The following NUS1 variants were observed in gnomAD, a reference collection of about 807,000 sequenced individuals.
NUS1 encodes dehydrodolichyl diphosphate synthase complex subunit NUS1.
For synonymous variants in NUS1, 135 were observed against 155.2 expected, an observed-to-expected ratio of 0.87 and a Z score of 0.97; for missense variants, 292 against 382.9, an observed-to-expected ratio of 0.76 and a Z score of 1.98.
intron 1 of NUS1, among the ~76,000 whole-genome samples, chr6:117,681,531 G>A (rs1389509705): frequency 6.6e-6 from 1 of 152,112 alleles, no homozygotes; most frequent in African/African-American, 2.4e-5. Flanking sequence ...TACTTAGTTG[G>A]CACAGTGACA....
intron 3 of NUS1, among the ~76,000 whole-genome samples, chr6:117,696,282 C>G (rs933901613): frequency 6.6e-6 from 1 of 152,026 alleles, no homozygotes; most frequent in Non-Finnish European, 1.5e-5. Flanking sequence ...GAAAAAGCCT[C>G]TTGAGGGCAA....
chr6:117,708,489 TA>T lies in NUS1; in HGVS notation c.*1477del, dbSNP rs1390835764. 6.6e-6 allele frequency: 1 copy of T among 152,348 alleles called. No homozygotes were observed. Among genetic ancestry groups the T allele is most frequent in the African/African-American group, 2.4e-5 (1 of 41,394 alleles). 9.4% of individuals were successfully genotyped at this position (152,348 alleles called of 1,614,324 possible). ...GAAAGCATGGTCTACAATTGGTTGT[TA>T]AATTCTGAAGCTATGAAGAATAAAT... On this transcript the variant is annotated 3_prime_UTR_variant, in exon 5 of 5. Coordinates refer to ENST00000368494, the MANE Select transcript of NUS1 (RefSeq NM_138459.5).
chr6:117,675,791 T>G lies in NUS1; in HGVS notation c.121T>G (p.Cys41Gly). Residue 41 changes from cysteine (C) to glycine (G), a missense_variant, in exon 1 of 5, where the codon TGC (cysteine) becomes GGC (glycine). Transcript: ENST00000368494. ...GTWNWIWRRC[C>G]RAASAAVLAP... Reference sequence around the variant, plus strand: ...CTGGAACTGGATCTGGCGGCGCTGCTGCCGCGCCGCCTCTGCCGCGGTCCT... The same window carrying G: ...CTGGAACTGGATCTGGCGGCGCTGCGGCCGCGCCGCCTCTGCCGCGGTCCT... 3 of 1,561,656 alleles carry G rather than the reference T, an allele frequency of 1.9e-6. No individual in the cohort carries two copies. Among genetic ancestry groups the G allele is most frequent in the Non-Finnish European group, 2.6e-6 (3 of 1,156,322 alleles).
chr6:117,688,924 G>A (rs1308407331), intron 1 of NUS1, among the ~76,000 whole-genome samples: 1 of 151,858 alleles, frequency 6.6e-6, no homozygotes, highest in African/African-American at 2.4e-5. Context: ...ACTTATTTTT[G>A]TCTGGGCTTT....
intron 1 of NUS1, among the ~76,000 whole-genome samples, chr6:117,691,457 C>G (rs900580267): frequency 6.6e-6 from 1 of 150,800 alleles, no homozygotes; most frequent in Non-Finnish European, 1.5e-5. Context: ...TTTTATAAAG[C>G]CTTCCTCACC....
At chr6:117,702,396 T>G (rs1457972128) in intron 3 of NUS1, among the ~76,000 whole-genome samples, 1 of 152,218 alleles carries the variant, frequency 6.6e-6, no homozygotes, top group African/African-American at 2.4e-5. Flanking sequence ...TCCAGTTGAT[T>G]GGGGTGGGCA....
intron 1 of NUS1, among the ~76,000 whole-genome samples, chr6:117,682,965 A>T (rs1334240003): frequency 6.6e-6 from 1 of 152,178 alleles, no homozygotes; most frequent in East Asian, 1.9e-4. Context: ...ACTAATAGAG[A>T]TTTCTTCATC....
At chr6:117,696,120 C>T (rs1773316204) in intron 3 of NUS1, among the ~76,000 whole-genome samples, 1 of 151,784 alleles carries the variant, frequency 6.6e-6, no homozygotes, top group South Asian at 2.1e-4. Flanking sequence ...AGCAGAAATT[C>T]TGGAGTTGAA....
intron 1 of NUS1, among the ~76,000 whole-genome samples, chr6:117,692,272 G>C (rs1158648069): frequency 1.3e-5 from 2 of 152,056 alleles, no homozygotes; most frequent in African/African-American, 4.8e-5. Context: ...TGAGAGTGCA[G>C]AGTAGGAACA....
chr6:117,701,551 A>G lies in NUS1; in HGVS notation c.692-2054A>G, dbSNP rs553360655. ...GAGCCACCACGCCCGGCCGGGTTCT[A>G]ATTTTCTTAAATAATATTTTGCAGT... is the stretch of plus-strand genomic sequence containing the variant. On this transcript the variant is annotated intron_variant, in intron 3 of 4. Transcript: ENST00000368494. Among the ~76,000 whole-genome samples, 10 of 152,108 alleles carry G rather than the reference A, an allele frequency of 6.6e-5. No homozygotes were observed. In the South Asian group the frequency reaches 2.1e-3, roughly 32 times the overall value.
At chr6:117,693,446 A>G (rs975585514) in intron 2 of NUS1, among the ~76,000 whole-genome samples, 2 of 152,194 alleles carry the variant, frequency 1.3e-5, no homozygotes, top group Non-Finnish European at 2.9e-5. Context: ...ATATATAAAT[A>G]GAGGTACAAC....
At chr6:117,687,202 G>T (rs1022185716) in intron 1 of NUS1, among the ~76,000 whole-genome samples, 6 of 152,154 alleles carry the variant, frequency 3.9e-5, no homozygotes, top group Admixed American at 2.0e-4. Context: ...CAATAAGGAA[G>T]TGTCTGCTTT....
chr6:117,703,514 A>T, intron 3 of NUS1, 91 bp from the exon 4 acceptor site: 1 of 932,120 alleles, frequency 1.1e-6, no homozygotes, highest in East Asian at 2.4e-5. Context: ...AATTTGATTA[A>T]TACATTTTGC....
Position 117,708,898 on chromosome 6 carries a change from A to AAGTT in NUS1, c.*1887_*1890dup, listed in dbSNP as rs1210822604. On this transcript the variant is annotated 3_prime_UTR_variant, in exon 5 of 5. Coordinates refer to ENST00000368494, the MANE Select transcript of NUS1 (RefSeq NM_138459.5). ...AAGGGATTTAATCGTTGTTAAAGTT[A>AAGTT]AGTTAGTCAAATAAATTACCTACTG... 1.1e-4 allele frequency: 17 copies of AAGTT among 152,200 alleles called. No homozygotes were observed. The highest frequency in any genetic ancestry group is 2.5e-4 in the Non-Finnish European group (17 of 67,954). The allele number at this position is 152,200 out of a possible 1,614,324, so 9.4% of individuals were successfully genotyped here.
Position 117,709,639 on chromosome 6 carries a change from G to A in NUS1, c.*2624G>A, listed in dbSNP as rs564810936. ...ATTAGCTCCCTCCTCCTGTGTGATG[G>A]TACCATGCATAGAGTCAATCAAATC... On this transcript the variant is annotated 3_prime_UTR_variant, in exon 5 of 5. Transcript: ENST00000368494. 6.6e-6 allele frequency: 1 copy of A among 152,142 alleles called. No homozygotes were observed. Among genetic ancestry groups the A allele is most frequent in the African/African-American group, 2.4e-5 (1 of 41,370 alleles). 9.4% of individuals were successfully genotyped at this position (152,142 alleles called of 1,614,324 possible). A position where few individuals can be genotyped will look rare whatever the true frequency, so the allele number is the denominator to read the frequency against.
chr6:117,692,124 A>G (rs1349908727), intron 1 of NUS1, among the ~76,000 whole-genome samples: 1 of 152,086 alleles, frequency 6.6e-6, no homozygotes, highest in Non-Finnish European at 1.5e-5. Flanking sequence ...AAAGTTGGAA[A>G]TTCTACAAAG....
intron 1 of NUS1, among the ~76,000 whole-genome samples, chr6:117,685,024 A>C (rs978273103): frequency 3.3e-5 from 5 of 152,238 alleles, no homozygotes; most frequent in African/African-American, 1.2e-4. Flanking sequence ...TCCAGTAGTT[A>C]TGGGGAAGGT....
chr6:117,694,495 C>T (rs1773287672), intron 3 of NUS1, among the ~76,000 whole-genome samples: 1 of 152,024 alleles, frequency 6.6e-6, no homozygotes, highest in Non-Finnish European at 1.5e-5. Flanking sequence ...TCCTCTCCCT[C>T]TTCCCCTTTC....
At chr6:117,677,438 T>C (rs4368845) in intron 1 of NUS1, among the ~76,000 whole-genome samples, 65,783 of 152,132 alleles carry the variant, frequency 0.43, 17,237 homozygotes, top group Non-Finnish European at 0.6. Context: ...CTTGAAAGCA[T>C]TGGAATTTCT....
Sources: allele counts gnomAD v4.1 joint callset (sites outside exome capture counted in the v4.1 genomes callset), GRCh38; gene constraint gnomAD v4.1.1; transcripts MANE v1.5; gene names NCBI Gene and HGNC (gene_info 2026-07-23, HGNC 2026-07-21).